The following SDK1 variants were observed in gnomAD, a reference collection of about 807,000 sequenced individuals.
SDK1 encodes protein sidekick-1.
SDK1 carries 157 observed loss-of-function variants against 245.5 expected under a neutral mutation model. The observed-to-expected ratio is 0.64, with a 90% CI of 0.56 to 0.73. The LOEUF is 0.73. SDK1 is among the 30% of genes least tolerant of loss of function. The probability of loss-of-function intolerance (pLI) is 0.00; values close to 1 mark genes in which losing one functional copy is unlikely to be tolerated. For synonymous variants in SDK1, 1,647 were observed against 1,278.5 expected (o/e 1.29, Z -6.15); for missense variants, 3,583 against 3,002.3 (o/e 1.19, Z -4.52).
intron 5 of SDK1, among the ~76,000 whole-genome samples, chr7:3,945,899 TAAAA>T (rs754101246): frequency 6.6e-4 from 9 of 13,678 alleles, no homozygotes; most frequent in Admixed American, 4.0e-3. Flanking sequence ...ACTCTGTCTG[TAAAA>T]AAAAAAAAAA....
At chr7:3,733,002 G>A (rs779271655) in intron 4 of SDK1, among the ~76,000 whole-genome samples, 2 of 152,098 alleles carry the variant, frequency 1.3e-5, no homozygotes, top group Admixed American at 6.5e-5. Context: ...TTTTGTTTCC[G>A]TTTTTGTCAG....
intron 40 of SDK1, among the ~76,000 whole-genome samples, chr7:4,231,283 G>T (rs1222372122): frequency 6.6e-6 from 1 of 152,002 alleles, no homozygotes; most frequent in Non-Finnish European, 1.5e-5. Flanking sequence ...AGAAATAATG[G>T]CCAGGCATAG....
At chr7:4,157,343 AAGAAGGAAGGAAAGTGGGAAG>A in intron 30 of SDK1, among the ~76,000 whole-genome samples, 1 of 138,488 alleles carries the variant, frequency 7.2e-6, no homozygotes, top group African/African-American at 2.9e-5. Context: ...GAGAGAAGGG[AAGAAGGAAGGAAAGTGGGAAG>A]GGAGGAAGAA....
chr7:3,502,496 G>T (rs1042521237), intron 1 of SDK1, among the ~76,000 whole-genome samples: 15 of 152,064 alleles, frequency 9.9e-5, no homozygotes, highest in African/African-American at 3.6e-4. Flanking sequence ...GTGATCCACC[G>T]CCTTGGCCTC....
At chr7:4,205,571 C>G (rs576076062) in intron 35 of SDK1, among the ~76,000 whole-genome samples, 1 of 152,210 alleles carries the variant, frequency 6.6e-6, no homozygotes, top group Non-Finnish European at 1.5e-5. Context: ...CTAACTGTAT[C>G]TCGGTATAAT....
At chr7:3,604,409 G>T (rs1434836051) in intron 1 of SDK1, among the ~76,000 whole-genome samples, 1 of 151,982 alleles carries the variant, frequency 6.6e-6, no homozygotes, top group Non-Finnish European at 1.5e-5. Flanking sequence ...TTTGAGGTAG[G>T]AAGGTGGGTT....
intron 4 of SDK1, among the ~76,000 whole-genome samples, chr7:3,753,555 C>A (rs1041288660): frequency 6.6e-6 from 1 of 152,160 alleles, no homozygotes; most frequent in Non-Finnish European, 1.5e-5. Context: ...AGGTTCTTGC[C>A]GTTTATTGCA....
At chr7:3,322,571 A>C (rs1008504879) in intron 1 of SDK1, among the ~76,000 whole-genome samples, 6 of 152,202 alleles carry the variant, frequency 3.9e-5, no homozygotes, top group Non-Finnish European at 7.3e-5. Flanking sequence ...CCACAGTGGA[A>C]ATGGAACAAT....
At chr7:3,699,509 G>A (rs1038680611) in intron 4 of SDK1, among the ~76,000 whole-genome samples, 1 of 152,168 alleles carries the variant, frequency 6.6e-6, no homozygotes, top group African/African-American at 2.4e-5. Context: ...TCTTGATGAT[G>A]TACTCAACAG....
At chr7:3,853,146 G>GAA (rs111391620) in intron 5 of SDK1, among the ~76,000 whole-genome samples, 12 of 146,534 alleles carry the variant, frequency 8.2e-5, no homozygotes, top group African/African-American at 3.0e-4. Flanking sequence ...ACACTTGGTT[G>GAA]AAAAAAAAAA....
At chr7:3,421,881 G>T (rs1356836671) in intron 1 of SDK1, among the ~76,000 whole-genome samples, 3 of 152,116 alleles carry the variant, frequency 2.0e-5, no homozygotes, top group Admixed American at 6.5e-5. Context: ...GAGACTCTTG[G>T]AAAGTGGGCC....
In SDK1 at chr7:4,268,016, G is replaced by T; in HGVS notation, c.*2632G>T. 1.0e-6 allele frequency: 1 copy of T among 985,482 alleles called. No individual in the cohort carries two copies. The highest frequency in any genetic ancestry group is 1.2e-6 in the Non-Finnish European group (1 of 829,952). 61.0% of individuals were successfully genotyped at this position (985,482 alleles called of 1,614,324 possible). Reference sequence around the variant, plus strand: ...TTCAGGGAAGGAAAAGAAAATCACAGCCTAGGAAGATGGAGGTTGGATTTT... The same window carrying T: ...TTCAGGGAAGGAAAAGAAAATCACATCCTAGGAAGATGGAGGTTGGATTTT... On this transcript the variant is annotated 3_prime_UTR_variant, in exon 45 of 45. Transcript: ENST00000404826.
intron 4 of SDK1, among the ~76,000 whole-genome samples, chr7:3,718,848 GA>G (rs1785280041): frequency 1.3e-5 from 2 of 152,238 alleles, no homozygotes; most frequent in Non-Finnish European, 2.9e-5. Context: ...CTTATTTGTG[GA>G]TGACATTATT....
chr7:4,107,411 A>T (rs1174713074), intron 22 of SDK1, among the ~76,000 whole-genome samples: 1 of 152,002 alleles, frequency 6.6e-6, no homozygotes, highest in Non-Finnish European at 1.5e-5. Context: ...CTCTTTCCTT[A>T]GTGCTTATAC....
chr7:3,974,851 T>G (rs1782788016), intron 13 of SDK1: 1 of 237,802 alleles, frequency 4.2e-6, no homozygotes, highest in Non-Finnish European at 8.2e-6. Flanking sequence ...TTTACCACTC[T>G]GCGCTTAAGT....
At chr7:3,722,521 C>T (rs1364709231) in intron 4 of SDK1, among the ~76,000 whole-genome samples, 1 of 152,170 alleles carries the variant, frequency 6.6e-6, no homozygotes, top group Non-Finnish European at 1.5e-5. Flanking sequence ...GCCTTCCCTC[C>T]TCTTCAATCC....
intron 35 of SDK1, among the ~76,000 whole-genome samples, chr7:4,185,196 C>A (rs745989535): frequency 3.9e-5 from 6 of 152,186 alleles, no homozygotes; most frequent in Non-Finnish European, 5.9e-5. Flanking sequence ...TCCTGCAGTG[C>A]TGATAGGCAG....
At chr7:3,797,481 AC>A in intron 4 of SDK1, among the ~76,000 whole-genome samples, 1 of 151,768 alleles carries the variant, frequency 6.6e-6, no homozygotes, top group Non-Finnish European at 1.5e-5. Flanking sequence ...ACACACACAC[AC>A]ACACACACAC....
rs371565230 is a variant in SDK1 at position 3,824,071 on chromosome 7, A to G, written c.847+2488A>G. Among the ~76,000 whole-genome samples the G allele has an allele frequency of 2.1e-3, 326 of 151,808 alleles. 7 individuals carry two copies. The South Asian group carries it at 0.029, about 13-fold the overall frequency. On this transcript the variant is annotated intron_variant, in intron 5 of 44. Transcript: ENST00000404826. ...TGTTTTAATTGTGCTTCTTTCTGGC[A>G]TCCAGTGAGGGCTCTAAGCAATGAA...
Sources: allele counts gnomAD v4.1 joint callset (sites outside exome capture counted in the v4.1 genomes callset), GRCh38; gene constraint gnomAD v4.1.1; transcripts MANE v1.5; gene names NCBI Gene and HGNC (gene_info 2026-07-23, HGNC 2026-07-21).